ITGB5: variants seen among roughly 807,000 people sequenced by gnomAD.
ITGB5 encodes integrin beta-5.
In ITGB5, 38 loss-of-function variants were observed where a neutral mutation model predicts 84.8. The ratio of observed to expected loss-of-function variants is 0.45; its 90% CI spans 0.35 to 0.59. ITGB5 has a LOEUF of 0.59. Ranked by LOEUF, ITGB5 falls within the 20% of genes least tolerant of loss-of-function variation. The pLI is 0.01. For synonymous variants in ITGB5, 393 were observed against 414.4 expected (o/e 0.95, Z 0.63); for missense variants, 905 against 1,034.5 (o/e 0.87, Z 1.72).
At chr3:124,764,348 T>G (rs751165421) in intron 14 of ITGB5, 43 bp downstream of exon 14, 1 of 1,580,282 alleles carries the variant, frequency 6.3e-7, no homozygotes, top group Admixed American at 1.7e-5. Context: ...ACCACGCCTC[T>G]GAGCTTGAAG....
chr3:124,848,899 C>G (rs1171870090), intron 3 of ITGB5, among the ~76,000 whole-genome samples: 1 of 152,160 alleles, frequency 6.6e-6, no homozygotes, highest in Non-Finnish European at 1.5e-5. Flanking sequence ...CATGCCTCAG[C>G]CTCCTGAGTA....
intron 8 of ITGB5, among the ~76,000 whole-genome samples, chr3:124,811,505 C>T (rs1319498769): frequency 6.6e-6 from 1 of 152,112 alleles, no homozygotes; most frequent in Non-Finnish European, 1.5e-5. Flanking sequence ...GGGGCCCTGT[C>T]GTTCACAAAT....
intron 12 of ITGB5, 58 bp downstream of exon 12, chr3:124,768,955 C>T (rs993905875): frequency 1.4e-6 from 2 of 1,381,830 alleles, no homozygotes; most frequent in Non-Finnish European, 1.0e-6. Flanking sequence ...GCTAAAACTA[C>T]CCTCCTCCCC....
At chr3:124,863,307 A>C (rs1251693691) in intron 2 of ITGB5, 1 of 152,228 alleles carries the variant, frequency 6.6e-6, no homozygotes, top group Non-Finnish European at 1.5e-5. Context: ...TAAGAGGTAA[A>C]GATCTCTTTT....
At chr3:124,769,135 G>A in intron 11 of ITGB5, 22 bp from the exon 12 acceptor site, 1 of 1,601,776 alleles carries the variant, frequency 6.2e-7, no homozygotes, top group Non-Finnish European at 8.6e-7. Flanking sequence ...AGGAGATAAA[G>A]GTGGGTGTCA....
intron 12 of ITGB5, among the ~76,000 whole-genome samples, chr3:124,768,066 G>A (rs72970798): frequency 0.018 from 2,713 of 152,168 alleles, 84 homozygotes; most frequent in African/African-American, 0.062. Flanking sequence ...ACCCTGTCTC[G>A]AGACAAAAAA....
At chr3:124,859,485 A>G (rs2065267138) in intron 2 of ITGB5, 39 bp from the exon 3 acceptor site, 2 of 1,564,922 alleles carry the variant, frequency 1.3e-6, no homozygotes, top group African/African-American at 1.4e-5. Flanking sequence ...GGAGGTGGTC[A>G]GGGTGTCTCC....
chr3:124,889,088 C>T (rs1328757867), upstream of ITGB5, among the ~76,000 whole-genome samples: 1 of 152,138 alleles, frequency 6.6e-6, no homozygotes, highest in Admixed American at 6.5e-5. Context: ...CATTTTATGC[C>T]TAATTAAGAT....
At chr3:124,854,141 A>C (rs2065192378) in intron 3 of ITGB5, among the ~76,000 whole-genome samples, 1 of 152,166 alleles carries the variant, frequency 6.6e-6, no homozygotes, top group Non-Finnish European at 1.5e-5. Context: ...TATTTACACA[A>C]AATCCTGCTT....
At position 124,794,787 on chromosome 3, in the gene ITGB5, A is replaced by G. The variant is rs184206776; in HGVS notation, c.1693+1601T>C. On this transcript the variant is annotated intron_variant, in intron 10 of 14. Coordinates refer to ENST00000296181, the MANE Select transcript of ITGB5 (RefSeq NM_002213.5). ...ACAGAGCGAGACTTCATCTCAAAAAAAAAAAGAAACAAGAAAGAAAGAGAG... is the reference window on the plus strand; with the variant it reads ...ACAGAGCGAGACTTCATCTCAAAAAGAAAAAGAAACAAGAAAGAAAGAGAG... 2.7e-3 allele frequency among the ~76,000 whole-genome samples: 386 copies of G among 143,748 alleles called. 3 individuals are homozygous for G. The highest frequency in any genetic ancestry group is 9.6e-3 in the African/African-American group (353 of 36,750). 94.3% of individuals were successfully genotyped at this position (143,748 alleles called of 152,430 possible).
intron 5 of ITGB5, among the ~76,000 whole-genome samples, chr3:124,833,227 G>A (rs938588536): frequency 2.6e-5 from 4 of 152,164 alleles, no homozygotes; most frequent in African/African-American, 9.7e-5. Flanking sequence ...GCAATGTGCA[G>A]GATGACATTT....
rs1291678643 is a variant in ITGB5 at position 124,800,334 on chromosome 3, T to C, written c.1264-3517A>G. ...CACCTGTGAGTATAACCTTGTCTCA[T>C]GGAAACTTGCCTGCCTTGGGGTTAA... On this transcript the variant is annotated intron_variant, in intron 9 of 14. Transcript: ENST00000296181. 7.2e-5 allele frequency among the ~76,000 whole-genome samples: 11 copies of C among 152,338 alleles called. No individual in the cohort carries two copies. The South Asian group carries it at 2.1e-3, about 29-fold the overall frequency.
chr3:124,793,331 T>C (rs779532118), intron 10 of ITGB5, among the ~76,000 whole-genome samples: 5 of 152,158 alleles, frequency 3.3e-5, no homozygotes, highest in Non-Finnish European at 7.4e-5. Context: ...GGAGGGATGG[T>C]TCTGTCACGT....
intron 10 of ITGB5, among the ~76,000 whole-genome samples, chr3:124,776,135 G>A (rs1006296623): frequency 6.7e-6 from 1 of 149,370 alleles, no homozygotes; most frequent in African/African-American, 2.5e-5. Flanking sequence ...TGAGGGGTAA[G>A]CCACTGGAAA....
intron 1 of ITGB5, among the ~76,000 whole-genome samples, chr3:124,876,254 A>G (rs1339781281): frequency 6.6e-6 from 1 of 152,206 alleles, no homozygotes; most frequent in Non-Finnish European, 1.5e-5. Context: ...ACATCATATC[A>G]TATACTGTAA....
At chr3:124,825,768 A>AT (rs1270105672) in intron 5 of ITGB5, among the ~76,000 whole-genome samples, 10 of 152,340 alleles carry the variant, frequency 6.6e-5, no homozygotes, top group African/African-American at 2.2e-4. Flanking sequence ...GGGGGTGGCT[A>AT]TAAGACTTTA....
At chr3:124,859,839 T>C (rs899564659) in intron 2 of ITGB5, among the ~76,000 whole-genome samples, 1 of 152,142 alleles carries the variant, frequency 6.6e-6, no homozygotes, top group African/African-American at 2.4e-5. Context: ...TCCCAGCTAT[T>C]TGGGAGACTG....
intron 11 of ITGB5, 61 bp from the exon 12 acceptor site, chr3:124,769,174 C>T (rs2063807723): frequency 7.4e-7 from 1 of 1,343,046 alleles, no homozygotes; most frequent in Admixed American, 1.7e-5. Context: ...CACACCTGTC[C>T]CTGAGCTCCT....
At chr3:124,802,921 A>G (rs1223762300) in intron 9 of ITGB5, among the ~76,000 whole-genome samples, 1 of 152,058 alleles carries the variant, frequency 6.6e-6, no homozygotes, top group African/African-American at 2.4e-5. Flanking sequence ...AGACAACAAC[A>G]CTGGGACAGT....
Sources: gnomAD v4.1 joint callset for allele counts (sites outside exome capture counted in the v4.1 genomes callset) on GRCh38, gnomAD v4.1.1 for gene constraint, MANE v1.5 for transcripts, NCBI Gene and HGNC (gene_info 2026-07-23, HGNC 2026-07-21) for gene names.